LRRC52: variants seen among roughly 807,000 people sequenced by gnomAD.
LRRC52 encodes leucine-rich repeat-containing protein 52.
In LRRC52, 15 loss-of-function variants were observed where a neutral mutation model predicts 14.7. The observed-to-expected ratio is 1.02, with a 90% CI of 0.68 to 1.58. LRRC52 has a LOEUF of 1.58. Ranked by LOEUF, LRRC52 falls within the 40% of genes most tolerant of loss-of-function variation. LRRC52 has a pLI of 0.00. For synonymous variants in LRRC52, 180 were observed against 163.9 expected, an observed-to-expected ratio of 1.10 and a Z score of -0.75; for missense variants, 400 against 387.7, an observed-to-expected ratio of 1.03 and a Z score of -0.27.
rs1660957541 is a variant in LRRC52 at position 165,544,000 on chromosome 1, CCCCT to C, written c.-296_-293del. The C allele has an allele frequency of 2.3e-5, 10 of 434,796 alleles. No individual in the cohort carries two copies. The East Asian group carries it at 3.9e-4, about 17-fold the overall frequency. The allele number at this position is 434,796 out of a possible 1,614,324, so 26.9% of individuals were successfully genotyped here. On this transcript the variant is annotated 5_prime_UTR_variant, in exon 1 of 2. Transcript: ENST00000294818. Reference sequence around the variant, plus strand: ...ATTGTCATGTGGCTCTCCCCTGGCTCCCCTTCACTTGCAAACGCAGGGAAAGGGT... The same window carrying C: ...ATTGTCATGTGGCTCTCCCCTGGCTCTCACTTGCAAACGCAGGGAAAGGGT...
chr1:165,547,700 A>G (rs1177586698), intron 1 of LRRC52, among the ~76,000 whole-genome samples: 2 of 152,196 alleles, frequency 1.3e-5, no homozygotes, highest in East Asian at 3.8e-4. Flanking sequence ...ATACTTACAT[A>G]CCCACACGTA....
chr1:165,558,756 TA>T (rs1282104088), intron 1 of LRRC52, among the ~76,000 whole-genome samples: 1 of 151,652 alleles, frequency 6.6e-6, no homozygotes, highest in African/African-American at 2.4e-5. Context: ...TAAATCCAAA[TA>T]TATCAGTAAT....
chr1:165,559,380 A>C (rs1007980382), intron 1 of LRRC52, among the ~76,000 whole-genome samples: 1 of 151,954 alleles, frequency 6.6e-6, no homozygotes, highest in African/African-American at 2.4e-5. Context: ...CAAGAGTGAA[A>C]CTCTGTCTCA....
rs373680507 is a variant in LRRC52 at position 165,562,723 on chromosome 1, T to C, written c.623-782T>C. Among the ~76,000 whole-genome samples the C allele has an allele frequency of 3.9e-5, 6 of 152,132 alleles. No individual in the cohort carries two copies. In the South Asian group the frequency reaches 1.0e-3, roughly 26 times the overall value. Reference sequence around the variant, plus strand: ...ATATAGTGAAGGCCATGGCGCTACATATGGGGAGGTGCTCAGAGAAGTAGC... The same window carrying C: ...ATATAGTGAAGGCCATGGCGCTACACATGGGGAGGTGCTCAGAGAAGTAGC... On this transcript the variant is annotated intron_variant, in intron 1 of 1. Transcript: ENST00000294818.
chr1:165,550,042 A>G (rs566633012), intron 1 of LRRC52, among the ~76,000 whole-genome samples: 3 of 152,352 alleles, frequency 2.0e-5, no homozygotes, highest in South Asian at 2.1e-4. Context: ...CCTGACCAAT[A>G]CAGACTGAAA....
intron 1 of LRRC52, among the ~76,000 whole-genome samples, chr1:165,550,464 C>T (rs1010424090): frequency 3.9e-5 from 6 of 152,072 alleles, no homozygotes; most frequent in Non-Finnish European, 1.5e-5. Flanking sequence ...TATTTTATTT[C>T]AATACATTTA....
chr1:165,562,811 T>C (rs1192454618), intron 1 of LRRC52, among the ~76,000 whole-genome samples: 1 of 152,026 alleles, frequency 6.6e-6, no homozygotes, highest in Non-Finnish European at 1.5e-5. Context: ...AATCAGCCAG[T>C]GATGGCCAAC....
chr1:165,553,115 A>G (rs1661167636), intron 1 of LRRC52, among the ~76,000 whole-genome samples: 1 of 152,212 alleles, frequency 6.6e-6, no homozygotes, highest in African/African-American at 2.4e-5. Flanking sequence ...CTGAAACCTA[A>G]CAGAAGATGA....
chr1:165,563,563 G>T lies in LRRC52; in HGVS notation c.681G>T (p.Arg227=), dbSNP rs374391913. 2 of 1,614,192 alleles carry T rather than the reference G, an allele frequency of 1.2e-6. No individual in the cohort carries two copies. The highest frequency in any genetic ancestry group is 1.7e-6 in the Non-Finnish European group (2 of 1,180,028). Residue 227 remains arginine, a synonymous_variant, in exon 2 of 2, where the codon CGG becomes CGT. Coordinates refer to ENST00000294818, the MANE Select transcript of LRRC52 (RefSeq NM_001005214.4). Reference sequence around the variant, plus strand: ...AGCTGACAGGGTGGCCCATCACCCGGGTGGGGAACCCACTCCGATACATGT... The same window carrying T: ...AGCTGACAGGGTGGCCCATCACCCGTGTGGGGAACCCACTCCGATACATGT... The part of the protein sequence containing the change: ...PTELTGWPIT[R]VGNPLRYMCI...
chr1:165,546,124 T>C (rs1196299750), intron 1 of LRRC52, among the ~76,000 whole-genome samples: 1 of 151,992 alleles, frequency 6.6e-6, no homozygotes, highest in Non-Finnish European at 1.5e-5. Context: ...GGCTTCCCAA[T>C]GGGTGTGTCT....
At chr1:165,556,569 C>T (rs1661239037) in intron 1 of LRRC52, among the ~76,000 whole-genome samples, 1 of 152,170 alleles carries the variant, frequency 6.6e-6, no homozygotes, top group Non-Finnish European at 1.5e-5. Flanking sequence ...CTCAACATTG[C>T]CATTAAGGTG....
chr1:165,553,311 C>G (rs988987745), intron 1 of LRRC52, among the ~76,000 whole-genome samples: 1 of 152,146 alleles, frequency 6.6e-6, no homozygotes, highest in Non-Finnish European at 1.5e-5. Context: ...AAAGTGGGAG[C>G]AGGTCAGATA....
chr1:165,544,229 C>A lies in LRRC52; in HGVS notation c.-68C>A. 2 of 1,476,566 alleles carry A rather than the reference C, an allele frequency of 1.4e-6. 1 individual carries two copies. Among genetic ancestry groups the A allele is most frequent in the Non-Finnish European group, 1.8e-6 (2 of 1,101,696 alleles). The allele number at this position is 1,476,566 out of a possible 1,614,324, so 91.5% of individuals were successfully genotyped here. On this transcript the variant is annotated 5_prime_UTR_variant, in exon 1 of 2. Transcript: ENST00000294818. ...CCCCTCCCCCGCCCCACCCCCCCAC[C>A]GGCAGCCTTCGGATCAGAGGACAGA... is the stretch of plus-strand genomic sequence containing the variant.
chr1:165,550,961 G>A (rs1283271915), intron 1 of LRRC52, among the ~76,000 whole-genome samples: 1 of 152,134 alleles, frequency 6.6e-6, no homozygotes, highest in Non-Finnish European at 1.5e-5. Flanking sequence ...CCTATAGCTG[G>A]TAGCCTATGG....
chr1:165,562,356 C>T (rs565994173), intron 1 of LRRC52, among the ~76,000 whole-genome samples: 101 of 151,818 alleles, frequency 6.7e-4, no homozygotes, highest in Admixed American at 6.6e-4. Flanking sequence ...AGCCCTGAGC[C>T]GGAGCTCAGT....
chr1:165,560,693 C>T (rs892100759), intron 1 of LRRC52, among the ~76,000 whole-genome samples: 31 of 152,084 alleles, frequency 2.0e-4, no homozygotes, highest in African/African-American at 7.0e-4. Flanking sequence ...GAACATGATC[C>T]TGCAAAACTA....
Position 165,544,345 on chromosome 1 carries a change from G to A in LRRC52, c.49G>A (p.Gly17Arg). 1 of 1,613,784 alleles carries A rather than the reference G, an allele frequency of 6.2e-7. No individual in the cohort carries two copies. Among genetic ancestry groups the A allele is most frequent in the South Asian group, 1.1e-5 (1 of 91,062 alleles). Residue 17 changes from glycine (G) to arginine (R), a missense_variant, in exon 1 of 2, where the codon GGA becomes AGA. Gly to Arg is a moderately radical substitution (Grantham distance 125, BLOSUM62 -2). Coordinates refer to ENST00000294818, the MANE Select transcript of LRRC52 (RefSeq NM_001005214.4). ...PGPGWLLFSF[G>R]MGLVSGSKCP... is the part of the protein sequence containing the mutation. ...CCCTGGGTGGTTACTCTTTTCCTTT[G>A]GAATGGGGCTGGTATCAGGGTCAAA...
intron 1 of LRRC52, among the ~76,000 whole-genome samples, chr1:165,549,661 AGAAG>A (rs1661091019): frequency 6.6e-6 from 1 of 152,228 alleles, no homozygotes; most frequent in Non-Finnish European, 1.5e-5. Context: ...CAGAGGTGCA[AGAAG>A]GAAGTGGAGA....
chr1:165,559,969 G>A (rs1056847906), intron 1 of LRRC52, among the ~76,000 whole-genome samples: 8 of 152,138 alleles, frequency 5.3e-5, no homozygotes, highest in African/African-American at 1.9e-4. Context: ...TTCCATTGGG[G>A]GCCATGCATA....
Sources: gnomAD v4.1 joint callset for allele counts (sites outside exome capture counted in the v4.1 genomes callset) on GRCh38, gnomAD v4.1.1 for gene constraint, MANE v1.5 for transcripts, NCBI Gene and HGNC (gene_info 2026-07-23, HGNC 2026-07-21) for gene names.